Variants in HDGFL3 observed in about 807,000 individuals in gnomAD.
The protein encoded by HDGFL3 is HDGF like 3, also known as hepatoma-derived growth factor-related protein 3.
A neutral mutation model predicts 27.6 loss-of-function variants in HDGFL3; 6 were observed. The ratio of observed to expected loss-of-function variants is 0.22; its 90% CI spans 0.12 to 0.43. The LOEUF (loss-of-function observed/expected upper bound fraction) is 0.43, where lower values mean the gene tolerates loss of function less well. Ranked by LOEUF, HDGFL3 falls within the 20% of genes least tolerant of loss-of-function variation. HDGFL3 has a pLI of 1.00. For missense variants in HDGFL3, 207 were observed against 250.1 expected, an observed-to-expected ratio of 0.83 and a Z score of 1.16; for synonymous variants, 88 against 88.9, an observed-to-expected ratio of 0.99 and a Z score of 0.05.
At chr15:83,193,928 A>G (rs1314645669) in intron 1 of HDGFL3, among the ~76,000 whole-genome samples, 3 of 152,160 alleles carry the variant, frequency 2.0e-5, no homozygotes, top group Non-Finnish European at 2.9e-5. Context: ...TGCCACGTTA[A>G]TAAGAGTTGC....
intron 1 of HDGFL3, chr15:83,179,821 A>G (rs1360829869): frequency 1.3e-5 from 2 of 152,250 alleles, no homozygotes; most frequent in Admixed American, 1.3e-4. Context: ...CTGTAGCACT[A>G]CTGCCTAAAG....
Position 83,151,223 on chromosome 15 carries a change from T to C in HDGFL3, c.598A>G (p.Ser200Gly), listed in dbSNP as rs776381808. The change falls in exon 5 of 6, where the codon AGT (serine) becomes GGT (glycine). Residue 200 changes from serine to glycine, a missense_variant. Ser to Gly is a moderately conservative substitution (Grantham distance 56, BLOSUM62 0). Coordinates refer to ENST00000299633, the MANE Select transcript of HDGFL3 (RefSeq NM_016073.4). Reference protein sequence around the residue: ...RNTTSDLQKTSEGT With the variant: ...RNTTSDLQKTGEGT ...TATAAGCACATCCTTACCCCTTCAC[T>C]GGTTTTCTGCAAGTCTGAAGTTGTG... 4.3e-6 allele frequency: 7 copies of C among 1,612,328 alleles called. No homozygotes were observed. Among genetic ancestry groups the C allele is most frequent in the Non-Finnish European group, 5.9e-6 (7 of 1,179,712 alleles).
In HDGFL3 at chr15:83,207,008, CCGT is replaced by C. The variant is rs2151425166; in HGVS notation, c.84+320_84+322del. ...ATGACCCTGCCCGGAGCCGAAGCCT[CCGT>C]CGCAGGCCCGCTGCCCGGCGGCGTG... On this transcript the variant is annotated intron_variant, in intron 1 of 5. Coordinates refer to ENST00000299633, the MANE Select transcript of HDGFL3 (RefSeq NM_016073.4). This position sits in a 1 kb window ranked among gnomAD's most constrained non-coding sequence, Gnocchi z 4.8. 6.6e-6 allele frequency among the ~76,000 whole-genome samples: 1 copy of C among 152,358 alleles called. No homozygotes were observed. The highest frequency in any genetic ancestry group is 2.4e-5 in the African/African-American group (1 of 41,596).
intron 3 of HDGFL3, chr15:83,121,887 C>T (rs767952508): frequency 2.1e-4 from 313 of 1,521,762 alleles, no homozygotes; most frequent in Non-Finnish European, 2.7e-4. Context: ...GACAAACATA[C>T]CAAGTCAAGA....
intron 1 of HDGFL3, among the ~76,000 whole-genome samples, chr15:83,206,516 T>G (rs1351053594): frequency 1.3e-5 from 2 of 152,254 alleles, no homozygotes; most frequent in Non-Finnish European, 2.9e-5. Flanking sequence ...ATGTATTACA[T>G]GCAGACGCTT....
intron 1 of HDGFL3, among the ~76,000 whole-genome samples, chr15:83,174,007 A>G (rs1202238619): frequency 1.3e-5 from 2 of 152,242 alleles, no homozygotes; most frequent in African/African-American, 4.8e-5. Flanking sequence ...GCTCTGGTGT[A>G]CTAAGAAAAG....
At chr15:83,119,049 G>A (rs1252855923) in intron 3 of HDGFL3, among the ~76,000 whole-genome samples, 2 of 152,168 alleles carry the variant, frequency 1.3e-5, no homozygotes, top group Non-Finnish European at 2.9e-5. Flanking sequence ...TGTTGGGAAG[G>A]TAGAAGGAGG....
intron 1 of HDGFL3, among the ~76,000 whole-genome samples, chr15:83,194,318 G>A (rs1182153700): frequency 1.3e-5 from 2 of 152,170 alleles, no homozygotes; most frequent in Admixed American, 6.5e-5. Flanking sequence ...AACACATACC[G>A]TATAATTCCA....
At chr15:83,169,723 C>T (rs2037222148) in intron 1 of HDGFL3, among the ~76,000 whole-genome samples, 1 of 152,034 alleles carries the variant, frequency 6.6e-6, no homozygotes, top group Non-Finnish European at 1.5e-5. Context: ...ATCACTTGAA[C>T]CCAGGAGGCA....
chr15:83,157,513 T>C lies in HDGFL3; in HGVS notation c.361A>G (p.Ser121Gly), dbSNP rs769653213. ...ACTCTATCACCTTCTTCCTCACTGC[T>C]TGCATCTGCAGTATTTCCACCTTCT... ...EGEGGNTADA[S>G]SEEEGDRVEE... The change falls in exon 4 of 6, where the codon AGC (serine) becomes GGC (glycine). Residue 121 changes from serine (S) to glycine (G), a missense_variant. By Grantham distance (56) the Ser-to-Gly change is moderately conservative (BLOSUM62 0). Transcript: ENST00000299633. The C allele has an allele frequency of 1.9e-6, 3 of 1,613,508 alleles. No individual in the cohort carries two copies. The South Asian group carries it at 3.3e-5, about 18-fold the overall frequency.
intron 1 of HDGFL3, among the ~76,000 whole-genome samples, chr15:83,199,447 A>G (rs1376380784): frequency 1.3e-5 from 2 of 152,178 alleles, no homozygotes; most frequent in Non-Finnish European, 2.9e-5. Context: ...TACTGAAACT[A>G]TCACTTAAAA....
At chr15:83,155,588 T>G (rs1279372160) in intron 4 of HDGFL3, among the ~76,000 whole-genome samples, 1 of 152,210 alleles carries the variant, frequency 6.6e-6, no homozygotes, top group Non-Finnish European at 1.5e-5. Flanking sequence ...TTGTCGTCAT[T>G]TGCAAACTTT....
chr15:83,118,869 T>G (rs936684626), intron 3 of HDGFL3, among the ~76,000 whole-genome samples: 3 of 152,146 alleles, frequency 2.0e-5, no homozygotes, highest in African/African-American at 7.2e-5. Context: ...GGAAATGTAG[T>G]TCGTCATATA....
chr15:83,176,442 C>T (rs2037312231), intron 1 of HDGFL3, among the ~76,000 whole-genome samples: 1 of 152,170 alleles, frequency 6.6e-6, no homozygotes. Flanking sequence ...GCTTTGCTCA[C>T]TGCAGAGATA....
At chr15:83,144,366 G>T (rs1039482432) in intron 5 of HDGFL3, among the ~76,000 whole-genome samples, 20 of 152,104 alleles carry the variant, frequency 1.3e-4, no homozygotes, top group South Asian at 4.1e-4. Flanking sequence ...TGTAATCACC[G>T]CCCCTTTAGT....
intron 1 of HDGFL3, among the ~76,000 whole-genome samples, chr15:83,175,405 T>A (rs569170500): frequency 6.6e-6 from 1 of 152,248 alleles, no homozygotes; most frequent in African/African-American, 2.4e-5. Flanking sequence ...GTATCTACAC[T>A]TTCCTAAGCC....
At position 83,138,304 on chromosome 15, in the gene HDGFL3, T is replaced by G. The variant is rs943602503; in HGVS notation, c.*966A>C. The G allele has an allele frequency of 2.6e-5, 4 of 152,540 alleles. No individual in the cohort carries two copies. Among genetic ancestry groups the G allele is most frequent in the Non-Finnish European group, 5.9e-5 (4 of 68,002 alleles). The allele number at this position is 152,540 out of a possible 1,614,324, so 9.4% of individuals were successfully genotyped here. A position where few individuals can be genotyped will look rare whatever the true frequency, so the allele number is the denominator to read the frequency against. Reference sequence around the variant, plus strand: ...TTCCAAGGACAAGCATTAACAGGATTGATAAAACCCAAACTGACTAAATGT... The same window carrying G: ...TTCCAAGGACAAGCATTAACAGGATGGATAAAACCCAAACTGACTAAATGT... On this transcript the variant is annotated 3_prime_UTR_variant, in exon 6 of 6. Transcript: ENST00000299633.
intron 5 of HDGFL3, among the ~76,000 whole-genome samples, chr15:83,140,643 G>A (rs758739194): frequency 2.0e-5 from 3 of 151,820 alleles, no homozygotes; most frequent in East Asian, 3.9e-4. Flanking sequence ...TACCATGCCC[G>A]GCTAATTTTT....
intron 4 of HDGFL3, among the ~76,000 whole-genome samples, chr15:83,156,582 T>C (rs867073971): frequency 6.6e-6 from 1 of 152,254 alleles, no homozygotes; most frequent in Non-Finnish European, 1.5e-5. Context: ...ATAGTAATGT[T>C]TGGTCAGTGA....
Sources: gnomAD v4.1 joint callset for allele counts (sites outside exome capture counted in the v4.1 genomes callset) on GRCh38, gnomAD v4.1.1 for gene constraint, Gnocchi (gnomAD v3.1) non-coding constraint, MANE v1.5 for transcripts, NCBI Gene and HGNC (gene_info 2026-07-23, HGNC 2026-07-21) for gene names.